The following BNIP3 variants were observed in gnomAD, a reference collection of about 807,000 sequenced individuals.
BNIP3 encodes BCL2 interacting protein 3.
In BNIP3, 16 loss-of-function variants were observed where a neutral mutation model predicts 23.9. The ratio of observed to expected loss-of-function variants is 0.67; its 90% CI spans 0.45 to 1.01. The LOEUF (loss-of-function observed/expected upper bound fraction) is 1.01, where lower values mean the gene tolerates loss of function less well. Ranked by LOEUF, BNIP3 falls within the 50% of genes least tolerant of loss-of-function variation. BNIP3 has a pLI of 0.00. For synonymous variants in BNIP3, 81 were observed against 89.3 expected (o/e 0.91, Z 0.53); for missense variants, 198 against 248.7 (o/e 0.80, Z 1.37).
chr10:131,980,553 G>A (rs1325476738), intron 1 of BNIP3: 1 of 149,680 alleles, frequency 6.7e-6, no homozygotes, highest in Non-Finnish European at 1.5e-5. Flanking sequence ...GACCAGCCTG[G>A]GCAACACAGT....
chr10:131,971,001 A>T, intron 3 of BNIP3, 31 bp from the exon 4 acceptor site: 1 of 1,596,450 alleles, frequency 6.3e-7, no homozygotes. Context: ...AAGGCAGATC[A>T]GTGTACCACA....
chr10:131,981,724 C>G (rs992134962), intron 1 of BNIP3, 37 bp downstream of exon 1: 3 of 1,463,310 alleles, frequency 2.1e-6, no homozygotes, highest in African/African-American at 1.5e-5. Flanking sequence ...TTCCCCCCCG[C>G]GCCCCCTCGG....
In BNIP3 at chr10:131,981,887, A is replaced by G. The variant is rs11556626; in HGVS notation, c.-81T>C. 4.4e-6 allele frequency: 6 copies of G among 1,359,796 alleles called. No homozygotes were observed. The highest frequency in any genetic ancestry group is 5.7e-6 in the Non-Finnish European group (6 of 1,059,706). The allele number at this position is 1,359,796 out of a possible 1,614,324, so 84.2% of individuals were successfully genotyped here. Reference sequence around the variant, plus strand: ...TCAGCTGCGGGCGGTGGGAAAGCGGAGGTCGGAGCGCCGCGGCCCAGCTGC... The same window carrying G: ...TCAGCTGCGGGCGGTGGGAAAGCGGGGGTCGGAGCGCCGCGGCCCAGCTGC... On this transcript the variant is annotated 5_prime_UTR_variant, in exon 1 of 6. Transcript: ENST00000368636.
intron 3 of BNIP3, among the ~76,000 whole-genome samples, chr10:131,972,006 A>C (rs2037037956): frequency 6.8e-6 from 1 of 147,452 alleles, no homozygotes; most frequent in Non-Finnish European, 1.5e-5. Context: ...CCGTCGTCAA[A>C]GTTCTCACCA....
Position 131,973,784 on chromosome 10 carries a change from C to T in BNIP3, c.197+9G>A, listed in dbSNP as rs45511894. The T allele has an allele frequency of 8.4e-4, 1,358 of 1,611,708 alleles. 9 individuals carry two copies. The African/African-American group carries it at 0.015, about 18-fold the overall frequency. On this transcript the variant is annotated intron_variant, in intron 2 of 5. Transcript: ENST00000368636. The stretch of plus-strand genomic sequence containing the variant: ...ACTGTAACACATACACTTGTTGATG[C>T]GCGCCTACCTGTCACAGTGAGAGCT...
At position 131,970,958 on chromosome 10, in the gene BNIP3, C is replaced by G. The variant is rs761226207; in HGVS notation, c.295G>C (p.Asp99His). Residue 99 changes from aspartate (D) to histidine (H), a missense_variant, in exon 4 of 6, where the codon GAT becomes CAT. Transcript: ENST00000368636. The surrounding 1 kb of genome is among the most constrained non-coding windows in gnomAD (Gnocchi z 4.1). ...EKNSSQSEED[D>H]IERRKEVESI... Reference sequence around the variant, plus strand: ...TCAACTTCTTTCCTTCTTTCAATATCATCTTCCTCAGACTAAGATAAAGTC... The same window carrying G: ...TCAACTTCTTTCCTTCTTTCAATATGATCTTCCTCAGACTAAGATAAAGTC... 1.2e-6 allele frequency: 2 copies of G among 1,613,880 alleles called. No homozygotes were observed.
At chr10:131,980,351 G>A (rs771079315) in intron 1 of BNIP3, 1 of 152,152 alleles carries the variant, frequency 6.6e-6, no homozygotes, top group African/African-American at 2.4e-5. Context: ...TTTATTTTAT[G>A]ACAAAAGATA....
chr10:131,979,642 C>T (rs1319676630), intron 1 of BNIP3, among the ~76,000 whole-genome samples: 1 of 152,172 alleles, frequency 6.6e-6, no homozygotes, highest in Non-Finnish European at 1.5e-5. Context: ...TGCTACTGCA[C>T]TCCAGCCTGG....
At chr10:131,980,108 A>G (rs1018263157) in intron 1 of BNIP3, 1 of 152,282 alleles carries the variant, frequency 6.6e-6, no homozygotes, top group African/African-American at 2.4e-5. Flanking sequence ...TAAACAAAAC[A>G]GAAAAACAAA....
rs550674333 is a variant in BNIP3 at position 131,978,122 on chromosome 10, A to G, written c.46+3639T>C. 5.3e-5 allele frequency among the ~76,000 whole-genome samples: 8 copies of G among 152,304 alleles called. No homozygotes were observed. The South Asian group carries it at 1.0e-3, about 20-fold the overall frequency. ...GAAAGGTGCTGCTGTTGCTGCTGCA[A>G]GAAAAGCCCTCCTTCCTAATCTCAT... is the stretch of plus-strand genomic sequence containing the variant. On this transcript the variant is annotated intron_variant, in intron 1 of 5. Transcript: ENST00000368636.
In BNIP3 at chr10:131,981,870, G is replaced by A; in HGVS notation, c.-64C>T. On this transcript the variant is annotated 5_prime_UTR_variant, in exon 1 of 6. Transcript: ENST00000368636. ...GGGCTGCGGGATGTGCTTCAGCTGCGGGCGGTGGGAAAGCGGAGGTCGGAG... is the reference window on the plus strand; with the variant it reads ...GGGCTGCGGGATGTGCTTCAGCTGCAGGCGGTGGGAAAGCGGAGGTCGGAG... 1.4e-6 allele frequency: 2 copies of A among 1,384,394 alleles called. No homozygotes were observed. The highest frequency in any genetic ancestry group is 9.3e-7 in the Non-Finnish European group (1 of 1,073,374). 85.8% of individuals were successfully genotyped at this position (1,384,394 alleles called of 1,614,324 possible). A position where few individuals can be genotyped will look rare whatever the true frequency, so the allele number is the denominator to read the frequency against.
At chr10:131,973,358 C>CTT in intron 2 of BNIP3, 1 of 521,422 alleles carries the variant, frequency 1.9e-6, no homozygotes, top group African/African-American at 1.9e-5. Flanking sequence ...AACTGGCAAG[C>CTT]AGCTGGCTTT....
In BNIP3 at chr10:131,970,649, G is replaced by C. The variant is rs373519489; in HGVS notation, c.528C>G (p.Ala176=). The C allele has an allele frequency of 1.2e-6, 2 of 1,613,976 alleles. No individual in the cohort carries two copies. The highest frequency in any genetic ancestry group is 2.7e-5 in the African/African-American group (2 of 74,916). The change falls in exon 5 of 6, where the codon GCC becomes GCG. Residue 176 remains alanine, a synonymous_variant. Coordinates refer to ENST00000368636, the MANE Select transcript of BNIP3 (RefSeq NM_004052.4). This position sits in a 1 kb window ranked among gnomAD's most constrained non-coding sequence, Gnocchi z 4.1. Reference sequence around the variant, plus strand: ...GTCACATCACCTACCCCAATCCGATGGCCAGCAAATGAGAGAGCAGCAGAG... The same window carrying C: ...GTCACATCACCTACCCCAATCCGATCGCCAGCAAATGAGAGAGCAGCAGAG... ...LPSLLLSHLL[A]IGLGIYIGRR...
In BNIP3 at chr10:131,970,690, T is replaced by C. The variant is rs377560509; in HGVS notation, c.487A>G (p.Lys163Glu). The C allele has an allele frequency of 4.3e-5, 69 of 1,614,180 alleles. No individual in the cohort carries two copies. Among genetic ancestry groups the C allele is most frequent in the Non-Finnish European group, 5.6e-5 (66 of 1,180,016 alleles). ...KGGIFSAEFL[K>E]VFLPSLLLSH... ...AGCAGCAGAGATGGAAGGAAAACTT[T>C]CAGAAATTCTGCAGAGAATATGCCC... The change falls in exon 5 of 6, where the codon AAA (lysine) becomes GAA (glutamate). Residue 163 changes from lysine to glutamate, a missense_variant. Coordinates refer to ENST00000368636, the MANE Select transcript of BNIP3 (RefSeq NM_004052.4). The surrounding 1 kb of genome is among the most constrained non-coding windows in gnomAD (Gnocchi z 4.1).
intron 5 of BNIP3, 23 bp from the exon 6 acceptor site, chr10:131,968,592 G>A: frequency 3.2e-6 from 5 of 1,571,414 alleles, no homozygotes; most frequent in Non-Finnish European, 4.4e-6. Flanking sequence ...ATTATCAGTA[G>A]TTAATGTATC....
At chr10:131,973,247 C>A in intron 2 of BNIP3, 129 bp from the exon 3 acceptor site, 2 of 901,956 alleles carry the variant, frequency 2.2e-6, no homozygotes, top group Non-Finnish European at 3.5e-6. Context: ...TACGCGTCTT[C>A]CCTTCCACCC....
At chr10:131,973,544 T>A in intron 2 of BNIP3, 1 of 548,080 alleles carries the variant, frequency 1.8e-6, no homozygotes, top group Non-Finnish European at 3.2e-6. Flanking sequence ...AGAGTGGGGT[T>A]TGTGGCTGTT....
Position 131,968,313 on chromosome 10 carries a change from T to A in BNIP3, c.*211A>T. ...AATTTTCACAGTAGACATTAATCAG[T>A]CTGACATGCTTATTGATCCCATAGG... On this transcript the variant is annotated 3_prime_UTR_variant, in exon 6 of 6. Coordinates refer to ENST00000368636, the MANE Select transcript of BNIP3 (RefSeq NM_004052.4). The A allele has an allele frequency of 2.2e-6, 1 of 451,480 alleles. No homozygotes were observed. The highest frequency in any genetic ancestry group is 4.0e-6 in the Non-Finnish European group (1 of 251,304). 28.0% of individuals were successfully genotyped at this position (451,480 alleles called of 1,614,324 possible).
chr10:131,973,229 A>C, intron 2 of BNIP3, 111 bp from the exon 3 acceptor site: 1 of 1,103,190 alleles, frequency 9.1e-7, no homozygotes, highest in Middle Eastern at 2.2e-4. Flanking sequence ...GGCTCTAGCC[A>C]GTCAGCGTAC....
Sources: allele counts gnomAD v4.1 joint callset (sites outside exome capture counted in the v4.1 genomes callset), GRCh38; gene constraint gnomAD v4.1.1; non-coding constraint Gnocchi (gnomAD v3.1); transcripts MANE v1.5; gene names NCBI Gene and HGNC (gene_info 2026-07-23, HGNC 2026-07-21).